Variants in KRABD3 observed in about 807,000 individuals in gnomAD.
The protein encoded by KRABD3 is KRAB domain-containing protein 3.
At chr7:149,733,915 C>G in the KRABD3 span, 1 of 1,593,938 alleles carries the variant, frequency 6.3e-7, no homozygotes, top group Non-Finnish European at 8.5e-7. Context: ...ACGTGCCGAC[C>G]TCAGGAGTGG....
chr7:149,724,846 CA>C, the KRABD3 span: 4 of 1,574,310 alleles, frequency 2.5e-6, no homozygotes, highest in South Asian at 1.2e-5. Flanking sequence ...CCCTGAGGCT[CA>C]AGGTGAGGCC....
the KRABD3 span, among the ~76,000 whole-genome samples, chr7:149,717,613 G>A: frequency 6.6e-6 from 1 of 152,196 alleles, no homozygotes; most frequent in Non-Finnish European, 1.5e-5. Context: ...GGCAAAGGCT[G>A]CAGCATCTCA....
At chr7:149,733,324 G>A in the KRABD3 span, 2 of 1,612,292 alleles carry the variant, frequency 1.2e-6, no homozygotes, top group African/African-American at 1.3e-5. Flanking sequence ...CCTCCCTGCA[G>A]CCGCCATGCC....
At chr7:149,728,875 T>C in the KRABD3 span, among the ~76,000 whole-genome samples, 1 of 152,316 alleles carries the variant, frequency 6.6e-6, no homozygotes, top group Non-Finnish European at 1.5e-5. Flanking sequence ...AGTGCCACTG[T>C]CTGCGGTTCC....
At chr7:149,722,618 T>C in the KRABD3 span, 1 of 1,538,414 alleles carries the variant, frequency 6.5e-7, no homozygotes, top group South Asian at 1.2e-5. Flanking sequence ...CACGAGGAGG[T>C]CATGCTGCTC....
the KRABD3 span, chr7:149,723,096 C>G: frequency 1.4e-6 from 1 of 703,996 alleles, no homozygotes; most frequent in Non-Finnish European, 2.2e-6. Context: ...CTTTCTGGAG[C>G]CAGGTGGCTC....
At chr7:149,723,560 T>C in the KRABD3 span, 1 of 612,126 alleles carries the variant, frequency 1.6e-6, no homozygotes, top group Non-Finnish European at 2.8e-6. Flanking sequence ...CTCTTTGCCC[T>C]GTCCGGTTCT....
At chr7:149,717,668 CGGGAGGGGCTGCCCCTTGCCA>C in the KRABD3 span, among the ~76,000 whole-genome samples, 3 of 152,098 alleles carry the variant, frequency 2.0e-5, no homozygotes, top group Non-Finnish European at 2.9e-5. Flanking sequence ...CAGGCAGTCA[CGGGAGGGGCTGCCCCTTGCCA>C]GGGGTGTAGA....
At chr7:149,718,131 G>C in the KRABD3 span, among the ~76,000 whole-genome samples, 2 of 152,198 alleles carry the variant, frequency 1.3e-5, no homozygotes, top group African/African-American at 4.8e-5. Flanking sequence ...ACTTGGGTGG[G>C]TGCAGGGGCT....
the KRABD3 span, chr7:149,730,017 G>T: frequency 7.5e-7 from 1 of 1,336,942 alleles, no homozygotes; most frequent in South Asian, 2.2e-5. Flanking sequence ...CAGCCATTTA[G>T]GGTCCACTAG....
the KRABD3 span, chr7:149,733,327 G>A: frequency 2.0e-5 from 33 of 1,612,180 alleles, no homozygotes; most frequent in South Asian, 2.2e-4. Context: ...CCCTGCAGCC[G>A]CCATGCCACT....
the KRABD3 span, chr7:149,723,931 TACATTACC>T: frequency 1.9e-6 from 3 of 1,603,344 alleles, no homozygotes; most frequent in East Asian, 6.7e-5. Flanking sequence ...CCAGACATCC[TACATTACC>T]CTGCCCCAGG....
chr7:149,720,766 A>C, the KRABD3 span: 3 of 1,443,658 alleles, frequency 2.1e-6, no homozygotes, highest in Non-Finnish European at 2.8e-6. Flanking sequence ...TGGGTGTGAA[A>C]ACACGCACGT....
chr7:149,726,101 A>G, the KRABD3 span: 112 of 1,559,002 alleles, frequency 7.2e-5, no homozygotes, highest in East Asian at 1.9e-3. Context: ...ATCCTGGGAG[A>G]GGACTCAAGG....
chr7:149,729,222 C>G, the KRABD3 span: 1 of 1,580,904 alleles, frequency 6.3e-7, no homozygotes, highest in Non-Finnish European at 8.6e-7. Flanking sequence ...CAGCCCGTCT[C>G]GGGCAGGGTA....
the KRABD3 span, chr7:149,719,962 G>A: frequency 9.2e-6 from 14 of 1,522,370 alleles, no homozygotes; most frequent in Admixed American, 1.1e-4. The surrounding 1 kb of genome is among the most constrained non-coding windows in gnomAD (Gnocchi z 5.6). Flanking sequence ...TGTGCGAAGC[G>A]GAGACCACTC....
chr7:149,733,078 T>G, the KRABD3 span: 1 of 1,141,946 alleles, frequency 8.8e-7, no homozygotes, highest in Non-Finnish European at 1.2e-6. Context: ...CTCACCCACC[T>G]TCCTTCCTTT....
the KRABD3 span, among the ~76,000 whole-genome samples, chr7:149,717,565 G>C: frequency 6.6e-6 from 1 of 152,256 alleles, no homozygotes; most frequent in African/African-American, 2.4e-5. Context: ...CAGAGCCACA[G>C]AGGTTTGCTC....
chr7:149,727,398 T>C, the KRABD3 span, among the ~76,000 whole-genome samples: 2 of 152,242 alleles, frequency 1.3e-5, no homozygotes, highest in African/African-American at 4.8e-5. Context: ...TGCAACTGAC[T>C]TCATAGGTAA....
Sources: gnomAD v4.1 joint callset for allele counts (sites outside exome capture counted in the v4.1 genomes callset) on GRCh38, gnomAD v4.1.1 for gene constraint, Gnocchi (gnomAD v3.1) non-coding constraint, MANE v1.5 for transcripts, NCBI Gene and HGNC (gene_info 2026-07-23, HGNC 2026-07-21) for gene names.